ARL15: variants seen among roughly 807,000 people sequenced by gnomAD.
ARL15 encodes ARF like GTPase 15, also known as ADP-ribosylation factor-like protein 15.
In ARL15, 19 loss-of-function variants were observed where a neutral mutation model predicts 25.2. The ratio of observed to expected loss-of-function variants is 0.75; its 90% CI spans 0.53 to 1.10. ARL15 has a LOEUF of 1.10. Among genes scored for constraint, ARL15 ranks in the 50% least tolerant of loss-of-function variants. The probability of loss-of-function intolerance (pLI) is 0.00; values close to 1 mark genes in which losing one functional copy is unlikely to be tolerated. For synonymous variants in ARL15, 94 were observed against 86.8 expected (o/e 1.08, Z -0.46); for missense variants, 220 against 246.0 (o/e 0.89, Z 0.71).
At chr5:54,255,995 T>C (rs550883267) in intron 1 of ARL15, among the ~76,000 whole-genome samples, 29 of 147,180 alleles carry the variant, frequency 2.0e-4, no homozygotes, top group African/African-American at 7.3e-4. Context: ...CAACCTAACA[T>C]CACACCTCAA....
intron 1 of ARL15, among the ~76,000 whole-genome samples, chr5:54,216,694 G>A (rs1756217963): frequency 6.6e-6 from 1 of 151,928 alleles, no homozygotes; most frequent in Non-Finnish European, 1.5e-5. Flanking sequence ...TTCCATGGAG[G>A]GTGAGTAAAA....
At chr5:54,175,316 T>C (rs1754835565) in intron 1 of ARL15, among the ~76,000 whole-genome samples, 1 of 151,990 alleles carries the variant, frequency 6.6e-6, no homozygotes, top group African/African-American at 2.4e-5. Context: ...TACTCCACTG[T>C]CTTTTCTCTT....
chr5:54,200,568 C>G (rs1193999620), intron 1 of ARL15, among the ~76,000 whole-genome samples: 1 of 151,760 alleles, frequency 6.6e-6, no homozygotes, highest in Non-Finnish European at 1.5e-5. Flanking sequence ...TAAGTTACAC[C>G]AGGAAGGATA....
intron 1 of ARL15, among the ~76,000 whole-genome samples, chr5:54,301,247 A>G (rs1248800351): frequency 6.6e-6 from 1 of 152,074 alleles, no homozygotes; most frequent in Non-Finnish European, 1.5e-5. Context: ...TGTCTTATTC[A>G]CTCAACATTT....
At chr5:54,198,980 A>G (rs1755635689) in intron 1 of ARL15, among the ~76,000 whole-genome samples, 1 of 151,980 alleles carries the variant, frequency 6.6e-6, no homozygotes, top group South Asian at 2.1e-4. Context: ...CAGAGCCCTC[A>G]GAAATAATGC....
chr5:54,282,778 T>C (rs1758093033), intron 1 of ARL15, among the ~76,000 whole-genome samples: 1 of 152,202 alleles, frequency 6.6e-6, no homozygotes, highest in East Asian at 1.9e-4. Context: ...GAAATGCTCA[T>C]AGTTAAATGC....
At chr5:54,124,982 A>T (rs989738453) in intron 3 of ARL15, among the ~76,000 whole-genome samples, 20 of 152,092 alleles carry the variant, frequency 1.3e-4, no homozygotes, top group Non-Finnish European at 2.1e-4. Context: ...AGAATGTGGC[A>T]AGGTGATGGG....
chr5:54,178,859 A>G (rs1024325172), intron 1 of ARL15, among the ~76,000 whole-genome samples: 5 of 152,242 alleles, frequency 3.3e-5, no homozygotes, highest in African/African-American at 1.2e-4. Context: ...TACAAAATAC[A>G]ACACATTACA....
chr5:53,966,704 G>C (rs1483743540), intron 4 of ARL15, among the ~76,000 whole-genome samples: 2 of 152,218 alleles, frequency 1.3e-5, no homozygotes, highest in Non-Finnish European at 2.9e-5. Flanking sequence ...CTTATTCCGT[G>C]TTGACGACTG....
intron 1 of ARL15, among the ~76,000 whole-genome samples, chr5:54,304,692 A>G (rs1257884446): frequency 6.6e-6 from 1 of 152,244 alleles, no homozygotes; most frequent in Non-Finnish European, 1.5e-5. Context: ...TTTTTATCTT[A>G]TAAATTATTA....
intron 2 of ARL15, among the ~76,000 whole-genome samples, chr5:54,168,404 T>G (rs1754636231): frequency 6.6e-6 from 1 of 152,010 alleles, no homozygotes; most frequent in Admixed American, 6.6e-5. Context: ...CCCTACTTTT[T>G]TTTTTTTTAA....
chr5:54,032,181 AT>A (rs1446204319), intron 4 of ARL15, among the ~76,000 whole-genome samples: 1 of 151,772 alleles, frequency 6.6e-6, no homozygotes. Context: ...TGGCTTTTAA[AT>A]TTTTCTTAGG....
intron 4 of ARL15, among the ~76,000 whole-genome samples, chr5:53,958,831 A>C (rs1331819663): frequency 6.6e-6 from 1 of 152,228 alleles, no homozygotes; most frequent in Admixed American, 6.5e-5. Context: ...TTATGTATTG[A>C]TAAAAGGGTC....
chr5:54,053,928 A>C (rs970238626), intron 4 of ARL15, among the ~76,000 whole-genome samples: 1 of 152,246 alleles, frequency 6.6e-6, no homozygotes, highest in Admixed American at 6.5e-5. Flanking sequence ...ATGTATCAGT[A>C]TTGGTTCATT....
chr5:54,009,161 C>G (rs80138475), intron 4 of ARL15, among the ~76,000 whole-genome samples: 4 of 152,110 alleles, frequency 2.6e-5, no homozygotes, highest in Non-Finnish European at 5.9e-5. Context: ...TCTTTGACAG[C>G]CTAAATGAAA....
chr5:53,918,467 C>T (rs1580078791), intron 4 of ARL15, among the ~76,000 whole-genome samples: 1 of 152,248 alleles, frequency 6.6e-6, no homozygotes, highest in East Asian at 1.9e-4. Flanking sequence ...GCTGGGATTA[C>T]AGGTGTAAGT....
At chr5:54,123,060 T>C (rs1023454863) in intron 3 of ARL15, among the ~76,000 whole-genome samples, 3 of 151,946 alleles carry the variant, frequency 2.0e-5, no homozygotes, top group Non-Finnish European at 4.4e-5. Context: ...AAGTCTCATT[T>C]TTATATAGTC....
At chr5:53,988,716 A>G (rs746023046) in intron 4 of ARL15, among the ~76,000 whole-genome samples, 8 of 152,212 alleles carry the variant, frequency 5.3e-5, no homozygotes, top group African/African-American at 2.4e-5. Flanking sequence ...GAAGTAGGTC[A>G]GTTGAAGAAG....
intron 4 of ARL15, among the ~76,000 whole-genome samples, chr5:53,932,776 G>T (rs1746231353): frequency 6.6e-6 from 1 of 152,216 alleles, no homozygotes; most frequent in African/African-American, 2.4e-5. Context: ...GCTGGCAATA[G>T]CAAAGCAGGC....
Sources: allele counts gnomAD v4.1 joint callset (sites outside exome capture counted in the v4.1 genomes callset), GRCh38; gene constraint gnomAD v4.1.1; transcripts MANE v1.5; gene names NCBI Gene and HGNC (gene_info 2026-07-23, HGNC 2026-07-21).